CIB3: variants seen among roughly 807,000 people sequenced by gnomAD.
The protein encoded by CIB3 is calcium and integrin-binding family member 3.
In CIB3, 22 loss-of-function variants were observed where a neutral mutation model predicts 23.4. The ratio of observed to expected loss-of-function variants is 0.94; its 90% CI spans 0.67 to 1.34. CIB3 has a LOEUF of 1.34. Ranked by LOEUF, CIB3 falls within the 40% of genes most tolerant of loss-of-function variation. The pLI, the probability that CIB3 is intolerant of heterozygous loss-of-function variation, is 0.00. For missense variants in CIB3, 258 were observed against 247.3 expected (o/e 1.04, Z -0.29); for synonymous variants, 93 against 95.8 (o/e 0.97, Z 0.17).
chr19:16,168,102 C>CAA, intron 4 of CIB3, 35 bp downstream of exon 4: 10 of 903,462 alleles, frequency 1.1e-5, no homozygotes, highest in Non-Finnish European at 1.5e-5. Flanking sequence ...CCCACCCCAT[C>CAA]CCCATGCTTC....
At chr19:16,171,391 G>A (rs1279003300) in intron 2 of CIB3, among the ~76,000 whole-genome samples, 1 of 152,116 alleles carries the variant, frequency 6.6e-6, no homozygotes, top group Non-Finnish European at 1.5e-5. Flanking sequence ...CTGAGCAGCA[G>A]CCTTGCAGAG....
rs374855454 is a variant in CIB3 at position 16,168,133 on chromosome 19, G to A, written c.346+4C>T. On this transcript the variant is annotated splice_donor_region_variant and intron_variant, in intron 4 of 5. Coordinates refer to ENST00000269878, the MANE Select transcript of CIB3 (RefSeq NM_054113.4). ...GCTTCCCAACCCCAGGGCCACGCAC[G>A]CACCATAAATTTTAAAAGCATAGTA... is the stretch of plus-strand genomic sequence containing the variant. 35 of 1,452,756 alleles carry A rather than the reference G, an allele frequency of 2.4e-5. No homozygotes were observed. Among genetic ancestry groups the A allele is most frequent in the Admixed American group, 1.9e-4 (10 of 53,698 alleles). 90.0% of individuals were successfully genotyped at this position (1,452,756 alleles called of 1,614,324 possible).
chr19:16,161,912 T>C (rs1237517769), intron 5 of CIB3, among the ~76,000 whole-genome samples: 1 of 151,854 alleles, frequency 6.6e-6, no homozygotes, highest in East Asian at 1.9e-4. Context: ...CTGGAACTCC[T>C]GTGCTCAAGC....
chr19:16,168,172 C>G lies in CIB3; in HGVS notation c.311G>C (p.Arg104Pro). The G allele has an allele frequency of 6.2e-7, 1 of 1,611,538 alleles. No homozygotes were observed. Among genetic ancestry groups the G allele is most frequent in the South Asian group, 1.1e-5 (1 of 90,352 alleles). The change falls in exon 4 of 6, where the codon CGC becomes CCC. Residue 104 changes from arginine (R) to proline (P), a missense_variant. Coordinates refer to ENST00000269878, the MANE Select transcript of CIB3 (RefSeq NM_054113.4). ...MFSVMSEMAP[R>P]DLKAYYAFKI... is the part of the protein sequence containing the mutation. The stretch of plus-strand genomic sequence containing the variant: ...AAAAGCATAGTAAGCCTTGAGGTCG[C>G]GGGGAGCCATTTCACTCATCACGGA...
intron 5 of CIB3, among the ~76,000 whole-genome samples, chr19:16,161,866 CG>C (rs2091286288): frequency 6.6e-6 from 1 of 151,434 alleles, no homozygotes. Flanking sequence ...TCAGTAGAAA[CG>C]GAGTTTCTCA....
rs1298041140 is a variant in CIB3, at chr19:16,173,487, C to T, written c.-12G>A. The T allele has an allele frequency of 6.2e-7, 1 of 1,613,600 alleles. No homozygotes were observed. Among genetic ancestry groups the T allele is most frequent in the Non-Finnish European group, 8.5e-7 (1 of 1,179,632 alleles). On this transcript the variant is annotated 5_prime_UTR_variant, in exon 1 of 6. It adds an upstream start codon to the 5' untranslated region. Coordinates refer to ENST00000269878, the MANE Select transcript of CIB3 (RefSeq NM_054113.4). ...TGCTTGTTGCCCATGGTGTGAACCA[C>T]AGCCCAGACTTGGGGATGCACCCCA...
In CIB3 at chr19:16,169,731, G is replaced by T. The variant is rs375836179; in HGVS notation, c.97C>A (p.Arg33Ser). ...TRKEIMRLFY[R>S]YQDLAPQLVP... ...AGCTGTGGGGCCAGGTCCTGGTAGC[G>T]ATAGAAGAGCCTGATGTGGGGAGGA... Residue 33 changes from arginine (R) to serine (S), a missense_variant, in exon 3 of 6, where the codon CGC becomes AGC. By Grantham distance (110) the Arg-to-Ser change is moderately radical. Coordinates refer to ENST00000269878, the MANE Select transcript of CIB3 (RefSeq NM_054113.4). 18 of 1,608,940 alleles carry T rather than the reference G, an allele frequency of 1.1e-5. No homozygotes were observed. The African/African-American group carries it at 2.3e-4, about 20-fold the overall frequency.
intron 2 of CIB3, 146 bp from the exon 3 acceptor site, chr19:16,169,887 C>CAG: frequency 4.5e-5 from 27 of 598,692 alleles, no homozygotes; most frequent in Middle Eastern, 4.8e-4. Context: ...GTAACCTCTG[C>CAG]CTCCCGGGTT....
chr19:16,171,612 C>G (rs1488961020), intron 2 of CIB3, among the ~76,000 whole-genome samples: 2 of 152,120 alleles, frequency 1.3e-5, no homozygotes, highest in African/African-American at 4.8e-5. Flanking sequence ...TGTTCCTCTC[C>G]TCTCCCTCTC....
intron 2 of CIB3, among the ~76,000 whole-genome samples, chr19:16,172,062 C>T (rs534950540): frequency 6.6e-6 from 1 of 152,374 alleles, no homozygotes; most frequent in African/African-American, 2.4e-5. Flanking sequence ...TCCTCACACC[C>T]TCATCTTAAT....
At chr19:16,162,418 C>A (rs916247912) in intron 5 of CIB3, among the ~76,000 whole-genome samples, 1 of 145,600 alleles carries the variant, frequency 6.9e-6, no homozygotes, top group Admixed American at 6.9e-5. Context: ...AAAGTGAGAC[C>A]CTGTCTCAAC....
intron 2 of CIB3, among the ~76,000 whole-genome samples, chr19:16,172,081 C>T (rs60912784): frequency 1.3e-5 from 2 of 152,242 alleles, no homozygotes; most frequent in Non-Finnish European, 2.9e-5. Context: ...ATGCCAAGCC[C>T]ACAACCCAGA....
intron 1 of CIB3, 93 bp downstream of exon 1, chr19:16,173,332 G>A (rs115801866): frequency 2.4e-5 from 37 of 1,553,166 alleles, no homozygotes; most frequent in South Asian, 1.3e-4. Flanking sequence ...CCAGGCGGAC[G>A]GTACACCCAG....
At position 16,164,882 on chromosome 19, in the gene CIB3, C is replaced by T. The variant is rs748110114; in HGVS notation, c.378G>A (p.Trp126Ter). Residue 126 changes from tryptophan to a stop codon, truncating the protein, a stop_gained, in exon 5 of 6, where the codon TGG becomes TGA. Transcript: ENST00000269878. LOFTEE classifies it high-confidence loss of function. Reference sequence around the variant, plus strand: ...GTTTGGTCACCGTCTGCTCCAGGTCCCACGCACAAATGTAGTCGTCGTTGT... The same window carrying T: ...GTTTGGTCACCGTCTGCTCCAGGTCTCACGCACAAATGTAGTCGTCGTTGT... Reference protein sequence around the residue: ...DFNNDDYICAWDLEQTVTKLT... With the variant: ...DFNNDDYICA The T allele has an allele frequency of 3.7e-6, 6 of 1,614,004 alleles. No individual in the cohort carries two copies. In the African/African-American group the frequency reaches 8.0e-5, roughly 22 times the overall value.
intron 5 of CIB3, among the ~76,000 whole-genome samples, chr19:16,163,504 G>A (rs2091293688): frequency 6.6e-6 from 1 of 152,222 alleles, no homozygotes; most frequent in South Asian, 2.1e-4. Context: ...GCAGTGAGCT[G>A]AGATTGCACC....
At chr19:16,169,361 C>T (rs2091318441) in intron 3 of CIB3, among the ~76,000 whole-genome samples, 2 of 152,116 alleles carry the variant, frequency 1.3e-5, no homozygotes. Flanking sequence ...CCAGGCTGGT[C>T]TCGAACTCCT....
intron 3 of CIB3, 125 bp from the exon 4 acceptor site, chr19:16,168,409 C>T: frequency 3.8e-6 from 5 of 1,330,336 alleles, no homozygotes; most frequent in Non-Finnish European, 5.1e-6. Context: ...GACCCACTCC[C>T]TCCCATGGTC....
At chr19:16,168,783 A>AT (rs2091316317) in intron 3 of CIB3, among the ~76,000 whole-genome samples, 1 of 152,106 alleles carries the variant, frequency 6.6e-6, no homozygotes, top group African/African-American at 2.4e-5. Flanking sequence ...TCCTGAGCAC[A>AT]TCATCAGAGG....
In CIB3 at chr19:16,173,212, T is replaced by C. The variant is rs1470296018; in HGVS notation, c.52-16A>G. On this transcript the variant is annotated splice_polypyrimidine_tract_variant and intron_variant, in intron 1 of 5. Transcript: ENST00000269878. ...ATGTGCAGTCCTGTGGAGAGAGGTG[T>C]TGTCTTAACCCGAACCCTGCCTCTG... 5 of 1,613,854 alleles carry C rather than the reference T, an allele frequency of 3.1e-6. No homozygotes were observed. The highest frequency in any genetic ancestry group is 2.2e-5 in the East Asian group (1 of 44,880).
Sources: gnomAD v4.1 joint callset for allele counts (sites outside exome capture counted in the v4.1 genomes callset) on GRCh38, gnomAD v4.1.1 for gene constraint, MANE v1.5 for transcripts, NCBI Gene and HGNC (gene_info 2026-07-23, HGNC 2026-07-21) for gene names.